Variants in CABIN1 observed in about 807,000 individuals in gnomAD.
CABIN1 encodes the protein calcineurin binding protein 1, also known as calcineurin-binding protein cabin-1.
A neutral mutation model predicts 227.7 loss-of-function variants in CABIN1; 133 were observed. The observed-to-expected ratio is 0.58, with a 90% CI of 0.51 to 0.67. The LOEUF (loss-of-function observed/expected upper bound fraction) is 0.67. Among genes scored for constraint, CABIN1 ranks in the 30% least tolerant of loss-of-function variants. The probability of loss-of-function intolerance (pLI) is 0.00; values close to 1 mark genes in which losing one functional copy is unlikely to be tolerated. For missense variants in CABIN1, 2,408 were observed against 2,852.5 expected, an observed-to-expected ratio of 0.84 and a Z score of 3.55; for synonymous variants, 1,086 against 1,155.1, an observed-to-expected ratio of 0.94 and a Z score of 1.21.
In CABIN1 at chr22:24,070,799, G is replaced by A. The variant is rs765646544; in HGVS notation, c.2233-1G>A. On this transcript the variant is annotated splice_acceptor_variant, in intron 16 of 36. Transcript: ENST00000263119. LOFTEE classifies it high-confidence loss of function. ...CTTCACCTGGCTTCTTGCTGTACTA[G>A]GACTCCTTGCTCCGGCTGAAGGACT... 1 of 1,614,172 alleles carries A rather than the reference G, an allele frequency of 6.2e-7. No homozygotes were observed. Among genetic ancestry groups the A allele is most frequent in the Non-Finnish European group, 8.5e-7 (1 of 1,180,034 alleles).
chr22:24,168,154 G>C (rs950517882), intron 32 of CABIN1, among the ~76,000 whole-genome samples: 3 of 152,222 alleles, frequency 2.0e-5, no homozygotes, highest in African/African-American at 7.2e-5. Context: ...AGGAACAGCT[G>C]GGTCCAATTC....
chr22:24,060,868 C>G (rs1274404149), intron 12 of CABIN1, among the ~76,000 whole-genome samples: 1 of 152,056 alleles, frequency 6.6e-6, no homozygotes, highest in Non-Finnish European at 1.5e-5. Context: ...CCACCGCACT[C>G]CAGCCTAGGC....
At chr22:24,135,565 C>T (rs1238654473) in intron 29 of CABIN1, among the ~76,000 whole-genome samples, 1 of 152,186 alleles carries the variant, frequency 6.6e-6, no homozygotes, top group Non-Finnish European at 1.5e-5. Flanking sequence ...ATCTACCCTC[C>T]CCCATTTCCT....
intron 29 of CABIN1, among the ~76,000 whole-genome samples, chr22:24,159,075 C>G (rs1193137220): frequency 6.6e-6 from 1 of 152,212 alleles, no homozygotes; most frequent in African/African-American, 2.4e-5. Flanking sequence ...TTCTCTTCCC[C>G]CCAGGGGCTT....
At position 24,050,988 on chromosome 22, in the gene CABIN1, C is replaced by T. The variant is rs751632082; in HGVS notation, c.806+14C>T. 7.4e-6 allele frequency: 12 copies of T among 1,614,026 alleles called. No individual in the cohort carries two copies. Among genetic ancestry groups the T allele is most frequent in the Non-Finnish European group, 1.0e-5 (12 of 1,180,016 alleles). On this transcript the variant is annotated intron_variant, in intron 8 of 36. Transcript: ENST00000263119. The stretch of plus-strand genomic sequence containing the variant: ...TCCTTTCTTCACGTAGGTTGTCTAG[C>T]GTCTCTGGGAGTGCTGGGTCGGCCA...
At chr22:24,105,743 G>A (rs1474458700) in intron 26 of CABIN1, among the ~76,000 whole-genome samples, 1 of 152,126 alleles carries the variant, frequency 6.6e-6, no homozygotes, top group Admixed American at 6.5e-5. Context: ...GAACCAGGGG[G>A]CCCAGAACCC....
At chr22:24,176,085 C>T (rs759716384) in intron 34 of CABIN1, 26 bp from the exon 35 acceptor site, 2 of 1,604,750 alleles carry the variant, frequency 1.2e-6, no homozygotes, top group African/African-American at 1.3e-5. Flanking sequence ...GAGTCTATTA[C>T]CTGCAGTGAG....
intron 29 of CABIN1, among the ~76,000 whole-genome samples, chr22:24,143,131 G>A (rs1330958806): frequency 2.0e-5 from 3 of 152,216 alleles, no homozygotes; most frequent in Non-Finnish European, 2.9e-5. Context: ...TCACTAGTCT[G>A]TGCTGGAGGA....
chr22:24,155,286 GCAGGGTA>G (rs1038620643), intron 29 of CABIN1, among the ~76,000 whole-genome samples: 1 of 152,184 alleles, frequency 6.6e-6, no homozygotes, highest in African/African-American at 2.4e-5. Flanking sequence ...CTCATCTGTA[GCAGGGTA>G]CAGTACCCGC....
chr22:24,015,818 C>T (rs1428016911), intron 1 of CABIN1, among the ~76,000 whole-genome samples: 1 of 151,970 alleles, frequency 6.6e-6, no homozygotes, highest in Admixed American at 6.6e-5. Flanking sequence ...ATTAGCTGGG[C>T]ATGGTGGTGC....
At chr22:24,027,147 T>C (rs1022566860) in intron 1 of CABIN1, among the ~76,000 whole-genome samples, 3 of 152,228 alleles carry the variant, frequency 2.0e-5, no homozygotes, top group East Asian at 3.8e-4. Context: ...GTAAATGATA[T>C]TCTTTTTTTC....
At position 24,171,816 on chromosome 22, in the gene CABIN1, ACT is replaced by A; in HGVS notation, c.5864_5865del (p.Ser1955CysfsTer6). The A allele has an allele frequency of 1.2e-6, 2 of 1,614,008 alleles. No homozygotes were observed. The highest frequency in any genetic ancestry group is 1.7e-6 in the Non-Finnish European group (2 of 1,179,986). On this transcript the variant is annotated frameshift_variant, in exon 34 of 37. Transcript: ENST00000263119. LOFTEE classifies it high-confidence loss of function. Reference sequence around the variant, plus strand: ...ACAGCCCCTGACCCTGTGCCAGCTGACTCTGTCCAGCGGCCCAGTGATGCTCA... The same window carrying A: ...ACAGCCCCTGACCCTGTGCCAGCTGACTGTCCAGCGGCCCAGTGATGCTCA...
At chr22:24,058,520 G>C (rs1195538501) in intron 10 of CABIN1, among the ~76,000 whole-genome samples, 1 of 152,196 alleles carries the variant, frequency 6.6e-6, no homozygotes, top group African/African-American at 2.4e-5. Flanking sequence ...TGCCAGGAGA[G>C]GCATCCCCAG....
rs374007729 is a variant in CABIN1 at position 24,059,914 on chromosome 22, C to G, written c.1400-10C>G. 1.2e-6 allele frequency: 2 copies of G among 1,613,492 alleles called. No homozygotes were observed. The highest frequency in any genetic ancestry group is 1.7e-4 in the Middle Eastern group (1 of 6,058). ...TTATTCAAGTCAGGTTGTTCTTGCT[C>G]CCCGGGCAGAAAAGCAGGACGTGCA... On this transcript the variant is annotated splice_polypyrimidine_tract_variant and intron_variant, in intron 11 of 36. Transcript: ENST00000263119.
intron 34 of CABIN1, among the ~76,000 whole-genome samples, chr22:24,173,911 A>G (rs897544754): frequency 6.6e-6 from 1 of 151,992 alleles, no homozygotes; most frequent in African/African-American, 2.4e-5. Context: ...AGTTTCCTGC[A>G]TAAAATGGAT....
At chr22:24,163,702 G>T (rs1481079919) in intron 29 of CABIN1, among the ~76,000 whole-genome samples, 1 of 152,222 alleles carries the variant, frequency 6.6e-6, no homozygotes, top group East Asian at 1.9e-4. Flanking sequence ...GTAGGTGTCA[G>T]ATGCCATGCT....
intron 24 of CABIN1, among the ~76,000 whole-genome samples, chr22:24,092,647 G>C (rs78398069): frequency 4.0e-5 from 6 of 149,998 alleles, no homozygotes; most frequent in Non-Finnish European, 7.4e-5. Context: ...TCTGCTGCTT[G>C]CTTTTTTCTG....
At chr22:24,171,616 G>A in intron 33 of CABIN1, 97 bp from the exon 34 acceptor site, 1 of 1,432,740 alleles carries the variant, frequency 7.0e-7, no homozygotes, top group Non-Finnish European at 9.8e-7. Context: ...AGGCGCACAG[G>A]ATGTCCTGTG....
intron 26 of CABIN1, among the ~76,000 whole-genome samples, chr22:24,107,967 G>GGC (rs2042608264): frequency 6.6e-6 from 1 of 152,322 alleles, no homozygotes; most frequent in Admixed American, 6.5e-5. Flanking sequence ...TCAACTGCGG[G>GGC]GCATGGCCTG....
Sources: gnomAD v4.1 joint callset for allele counts (sites outside exome capture counted in the v4.1 genomes callset) on GRCh38, gnomAD v4.1.1 for gene constraint, MANE v1.5 for transcripts, NCBI Gene and HGNC (gene_info 2026-07-23, HGNC 2026-07-21) for gene names.